Variants in ANKRD40 observed in about 807,000 individuals in gnomAD.
ANKRD40 encodes ankyrin repeat domain 40.
Under a neutral mutation model 35.5 loss-of-function variants are expected in ANKRD40, and 24 were observed. The ratio of observed to expected loss-of-function variants is 0.68; its 90% CI spans 0.49 to 0.95. ANKRD40 has a LOEUF of 0.95. Among genes scored for constraint, ANKRD40 ranks in the 40% least tolerant of loss-of-function variants. The pLI is 0.00. For synonymous variants in ANKRD40, 147 were observed against 173.5 expected (o/e 0.85, Z 1.20); for missense variants, 361 against 436.0 (o/e 0.83, Z 1.53).
At chr17:50,703,542 C>A (rs901393694) in intron 1 of ANKRD40, among the ~76,000 whole-genome samples, 4 of 152,166 alleles carry the variant, frequency 2.6e-5, no homozygotes, top group Non-Finnish European at 5.9e-5. Context: ...AAACTAAAAT[C>A]TGAAGGTGGT....
chr17:50,694,778 GGTA>G lies in ANKRD40; in HGVS notation c.*1216_*1218del. On this transcript the variant is annotated 3_prime_UTR_variant, in exon 5 of 5. Transcript: ENST00000285243. ...AACTGACTTTGTGAAGTGAATTGGTGGTAGTAGTAGGGGGATCACTAAGATCAA... is the reference window on the plus strand; with the variant it reads ...AACTGACTTTGTGAAGTGAATTGGTGGTAGTAGGGGGATCACTAAGATCAA... 1 of 152,264 alleles carries G rather than the reference GGTA, an allele frequency of 6.6e-6. No individual in the cohort carries two copies. The highest frequency in any genetic ancestry group is 1.9e-4 in the East Asian group (1 of 5,190). 9.4% of individuals were successfully genotyped at this position (152,264 alleles called of 1,614,324 possible).
At chr17:50,701,520 C>A (rs1968272400) in intron 1 of ANKRD40, among the ~76,000 whole-genome samples, 1 of 152,126 alleles carries the variant, frequency 6.6e-6, no homozygotes, top group Admixed American at 6.6e-5. Context: ...CTCTGAAGGG[C>A]TACTATTTTA....
intron 1 of ANKRD40, among the ~76,000 whole-genome samples, chr17:50,702,504 G>A (rs757140310): frequency 9.9e-5 from 15 of 152,152 alleles, no homozygotes; most frequent in Non-Finnish European, 2.1e-4. Flanking sequence ...GGAACCTTGA[G>A]TGTGTTTGTG....
chr17:50,695,316 CAG>C lies in ANKRD40; in HGVS notation c.*679_*680del, dbSNP rs1968185847. On this transcript the variant is annotated 3_prime_UTR_variant, in exon 5 of 5. Transcript: ENST00000285243. ...GAGTTAATGCAGAGATGACTCGAGA[CAG>C]AGAAGCAGTCATGAGTGTTTACAAA... is the stretch of plus-strand genomic sequence containing the variant. The C allele has an allele frequency of 6.6e-6, 1 of 152,286 alleles. No individual in the cohort carries two copies. The highest frequency in any genetic ancestry group is 2.4e-5 in the African/African-American group (1 of 41,420). 9.4% of individuals were successfully genotyped at this position (152,286 alleles called of 1,614,324 possible). A position where few individuals can be genotyped will look rare whatever the true frequency, so the allele number is the denominator to read the frequency against.
At chr17:50,703,925 C>T (rs972468352) in intron 1 of ANKRD40, among the ~76,000 whole-genome samples, 1 of 151,966 alleles carries the variant, frequency 6.6e-6, no homozygotes, top group African/African-American at 2.4e-5. Flanking sequence ...ATAATCCAAG[C>T]AAGAGAAACA....
rs765026258 is a variant in ANKRD40, at chr17:50,707,269, G to C, written c.134+252C>G. ...AAGTGAGCCGGGAGCGCGGGGGAAG[G>C]GGGTAGGGCACCAGAGTCCCAGTGG... is the stretch of plus-strand genomic sequence containing the variant. On this transcript the variant is annotated intron_variant, in intron 1 of 4. Coordinates refer to ENST00000285243, the MANE Select transcript of ANKRD40 (RefSeq NM_052855.4). This position sits in a 1 kb window ranked among gnomAD's most constrained non-coding sequence, Gnocchi z 4.8. 1.1e-4 allele frequency among the ~76,000 whole-genome samples: 16 copies of C among 152,284 alleles called. No individual in the cohort carries two copies. The highest frequency in any genetic ancestry group is 3.4e-4 in the African/African-American group (14 of 41,568).
rs2146654008 is a variant in ANKRD40 at position 50,694,104 on chromosome 17, T to C, written c.*1893A>G. ...GAGATTATGCCACTGCACTTCAGCCTGGGCAACAAAGCAAGACTCCGTCTC... is the reference window on the plus strand; with the variant it reads ...GAGATTATGCCACTGCACTTCAGCCCGGGCAACAAAGCAAGACTCCGTCTC... On this transcript the variant is annotated 3_prime_UTR_variant, in exon 5 of 5. Transcript: ENST00000285243. 2.6e-5 allele frequency: 2 copies of C among 78,148 alleles called. No individual in the cohort carries two copies. Among genetic ancestry groups the C allele is most frequent in the South Asian group, 9.1e-4 (2 of 2,202 alleles). The allele number at this position is 78,148 out of a possible 1,614,324, so 4.8% of individuals were successfully genotyped here. A position where few individuals can be genotyped will look rare whatever the true frequency, so the allele number is the denominator to read the frequency against.
Position 50,699,585 on chromosome 17 carries a change from T to C in ANKRD40, c.592A>G (p.Arg198Gly), listed in dbSNP as rs1276057883. 2 of 1,614,182 alleles carry C rather than the reference T, an allele frequency of 1.2e-6. No homozygotes were observed. Among genetic ancestry groups the C allele is most frequent in the South Asian group, 2.2e-5 (2 of 91,076 alleles). Residue 198 changes from arginine (R) to glycine (G), a missense_variant, in exon 3 of 5, where the codon AGA (arginine) becomes GGA (glycine). Transcript: ENST00000285243. ...GDVSAPSAIL[R>G]TPESTKPGPV... ...CCCGGTTTTGTGCTTTCTGGTGTTC[T>C]GAGTATGGCAGAGGGGGCCGACACA... is the stretch of plus-strand genomic sequence containing the variant.
At chr17:50,704,637 C>A (rs981322163) in intron 1 of ANKRD40, among the ~76,000 whole-genome samples, 1 of 151,954 alleles carries the variant, frequency 6.6e-6, no homozygotes, top group Admixed American at 6.6e-5. Flanking sequence ...GCATCAGATA[C>A]CAGGTTTGTT....
At position 50,699,551 on chromosome 17, in the gene ANKRD40, C is replaced by CA. The variant is rs751653744; in HGVS notation, c.625dup (p.Cys209LeufsTer49). On this transcript the variant is annotated frameshift_variant, in exon 3 of 5. Transcript: ENST00000285243. LOFTEE classifies it high-confidence loss of function. Reference sequence around the variant, plus strand: ...GCGGCTCTGACTCACTGGTGGCTGACAAACAGGACCCGGTTTTGTGCTTTC... The same window carrying CA: ...GCGGCTCTGACTCACTGGTGGCTGACAAAACAGGACCCGGTTTTGTGCTTTC... The CA allele has an allele frequency of 8.1e-6, 13 of 1,614,100 alleles. No individual in the cohort carries two copies.
In ANKRD40 at chr17:50,694,372, A is replaced by ACATTCT. The variant is rs1169637982; in HGVS notation, c.*1619_*1624dup. On this transcript the variant is annotated 3_prime_UTR_variant, in exon 5 of 5. Coordinates refer to ENST00000285243, the MANE Select transcript of ANKRD40 (RefSeq NM_052855.4). ...AGCAGGAGGCCATTATCTTAGCACA[A>ACATTCT]CATTCTCTTCTGTTGACATCTTCTG... 1 of 152,160 alleles carries ACATTCT rather than the reference A, an allele frequency of 6.6e-6. No homozygotes were observed. Among genetic ancestry groups the ACATTCT allele is most frequent in the Admixed American group, 6.5e-5 (1 of 15,270 alleles). The allele number at this position is 152,160 out of a possible 1,614,324, so 9.4% of individuals were successfully genotyped here.
chr17:50,700,854 T>C, intron 1 of ANKRD40, 138 bp from the exon 2 acceptor site: 1 of 698,764 alleles, frequency 1.4e-6, no homozygotes, highest in Non-Finnish European at 2.2e-6. Context: ...ATCTCAACTT[T>C]TCACAAAGCC....
intron 3 of ANKRD40, 34 bp downstream of exon 3, chr17:50,699,365 C>G: frequency 6.3e-7 from 1 of 1,591,050 alleles, no homozygotes; most frequent in Middle Eastern, 1.7e-4. Flanking sequence ...ACCAACTCCC[C>G]TGTTGCAGAG....
intron 1 of ANKRD40, among the ~76,000 whole-genome samples, chr17:50,705,895 G>A (rs1032903517): frequency 6.6e-6 from 1 of 151,874 alleles, no homozygotes; most frequent in Non-Finnish European, 1.5e-5. Context: ...TCCTGACATC[G>A]TGATCTGCCC....
rs969876098 is a variant in ANKRD40, at chr17:50,693,474, A to T, written c.*2523T>A. ...GTCTTATTCCACTGCGATACGCAGTAGTCAGTTGACCACAGAGGATTTTAT... is the reference window on the plus strand; with the variant it reads ...GTCTTATTCCACTGCGATACGCAGTTGTCAGTTGACCACAGAGGATTTTAT... On this transcript the variant is annotated 3_prime_UTR_variant, in exon 5 of 5. Transcript: ENST00000285243. 6.6e-6 allele frequency: 1 copy of T among 152,276 alleles called. No homozygotes were observed. Among genetic ancestry groups the T allele is most frequent in the African/African-American group, 2.4e-5 (1 of 41,474 alleles). The allele number at this position is 152,276 out of a possible 1,614,324, so 9.4% of individuals were successfully genotyped here.
At chr17:50,702,124 G>A (rs531608028) in intron 1 of ANKRD40, among the ~76,000 whole-genome samples, 1 of 152,274 alleles carries the variant, frequency 6.6e-6, no homozygotes, top group East Asian at 1.9e-4. Context: ...TACTGAATGG[G>A]CCAGGCACGG....
Position 50,707,402 on chromosome 17 carries a change from C to T in ANKRD40, c.134+119G>A, listed in dbSNP as rs1486904245. ...CCTCAAGAGAGCACAATCTCGGAGGCCCGAGGTGGCAGGCCTCGCCGTAGC... is the reference window on the plus strand; with the variant it reads ...CCTCAAGAGAGCACAATCTCGGAGGTCCGAGGTGGCAGGCCTCGCCGTAGC... On this transcript the variant is annotated intron_variant, in intron 1 of 4. Transcript: ENST00000285243. The surrounding 1 kb of genome is among the most constrained non-coding windows in gnomAD (Gnocchi z 4.8). 6 of 1,437,408 alleles carry T rather than the reference C, an allele frequency of 4.2e-6. No individual in the cohort carries two copies. Among genetic ancestry groups the T allele is most frequent in the Non-Finnish European group, 5.6e-6 (6 of 1,071,700 alleles). 89.0% of individuals were successfully genotyped at this position (1,437,408 alleles called of 1,614,324 possible). A position where few individuals can be genotyped will look rare whatever the true frequency, so the allele number is the denominator to read the frequency against.
Position 50,699,616 on chromosome 17 carries a change from A to G in ANKRD40, c.561T>C (p.Asn187=), listed in dbSNP as rs1968242994. 6.2e-7 allele frequency: 1 copy of G among 1,614,014 alleles called. No homozygotes were observed. The highest frequency in any genetic ancestry group is 8.5e-7 in the Non-Finnish European group (1 of 1,180,040). The change falls in exon 3 of 5, where the codon AAT becomes AAC. Residue 187 remains asparagine, a synonymous_variant. Coordinates refer to ENST00000285243, the MANE Select transcript of ANKRD40 (RefSeq NM_052855.4). ...RDHTSLALVQ[N]GDVSAPSAIL... ...TGGCAGAGGGGGCCGACACATCACC[A>G]TTCTGAACTAGTGCCAAAGAGGTGT...
At chr17:50,702,776 C>T (rs904737040) in intron 1 of ANKRD40, among the ~76,000 whole-genome samples, 3 of 152,120 alleles carry the variant, frequency 2.0e-5, no homozygotes, top group Non-Finnish European at 4.4e-5. Flanking sequence ...TAGCGTGGCC[C>T]CCACAGCCCT....
Sources: gnomAD v4.1 joint callset for allele counts (sites outside exome capture counted in the v4.1 genomes callset) on GRCh38, gnomAD v4.1.1 for gene constraint, Gnocchi (gnomAD v3.1) non-coding constraint, MANE v1.5 for transcripts, NCBI Gene and HGNC (gene_info 2026-07-23, HGNC 2026-07-21) for gene names.